GABRA2: variants seen among roughly 807,000 people sequenced by gnomAD.
GABRA2 encodes gamma-aminobutyric acid type A receptor subunit alpha2, also known as gamma-aminobutyric acid receptor subunit alpha-2.
GABRA2 carries 16 observed loss-of-function variants against 48.7 expected under a neutral mutation model. The observed-to-expected ratio is 0.33, with a 90% confidence interval of 0.22 to 0.50. The LOEUF (loss-of-function observed/expected upper bound fraction) is 0.50. Ranked by LOEUF, GABRA2 falls within the 20% of genes least tolerant of loss-of-function variation. The pLI is 0.98. For synonymous variants in GABRA2, 185 were observed against 184.5 expected, an observed-to-expected ratio of 1.00 and a Z score of -0.02; for missense variants, 275 against 535.6, an observed-to-expected ratio of 0.51 and a Z score of 4.80.
intron 8 of GABRA2, among the ~76,000 whole-genome samples, chr4:46,290,330 C>T (rs191177343): frequency 6.6e-6 from 1 of 151,874 alleles, no homozygotes; most frequent in East Asian, 1.9e-4. Flanking sequence ...ATTTTCTACA[C>T]GTATTAAACT....
chr4:46,309,665 G>T (rs916833344), intron 6 of GABRA2, among the ~76,000 whole-genome samples: 5 of 151,906 alleles, frequency 3.3e-5, no homozygotes, highest in Non-Finnish European at 5.9e-5. Flanking sequence ...CATAGAAGGT[G>T]CCAGAATGTA....
intron 3 of GABRA2, among the ~76,000 whole-genome samples, chr4:46,360,747 C>T (rs1375144705): frequency 6.6e-6 from 1 of 152,176 alleles, no homozygotes; most frequent in Admixed American, 6.5e-5. Context: ...ATGTTTGGAA[C>T]TACCTAGAGA....
intron 3 of GABRA2, chr4:46,364,048 T>C (rs1226591145): frequency 6.6e-6 from 1 of 152,206 alleles, no homozygotes; most frequent in Non-Finnish European, 1.5e-5. Flanking sequence ...CAATGCCATA[T>C]CGTATTCTGT....
chr4:46,388,934 T>TTTC, intron 1 of GABRA2: 1 of 1,314,826 alleles, frequency 7.6e-7, no homozygotes, highest in East Asian at 2.9e-5. Flanking sequence ...TTCTTTCTTT[T>TTTC]TTTCTTTCTT....
intron 8 of GABRA2, among the ~76,000 whole-genome samples, chr4:46,283,897 C>A (rs1321245622): frequency 6.6e-6 from 1 of 151,968 alleles, no homozygotes; most frequent in African/African-American, 2.4e-5. Flanking sequence ...GTAGCTGGGA[C>A]TACAGGCACC....
chr4:46,290,097 T>C (rs1451672343), intron 8 of GABRA2, among the ~76,000 whole-genome samples: 23 of 150,320 alleles, frequency 1.5e-4, no homozygotes, highest in Admixed American at 8.6e-4. Flanking sequence ...ATTTTTTTTT[T>C]AGTAGAGACG....
rs529968776 is a variant in GABRA2 at position 46,390,003 on chromosome 4, AGAG to A, written c.-282_-280del. 47 of 950,378 alleles carry A rather than the reference AGAG, an allele frequency of 4.9e-5. No individual in the cohort carries two copies. The highest frequency in any genetic ancestry group is 2.7e-4 in the East Asian group (2 of 7,456). The allele number at this position is 950,378 out of a possible 1,614,324, so 58.9% of individuals were successfully genotyped here. A position where few individuals can be genotyped will look rare whatever the true frequency, so the allele number is the denominator to read the frequency against. On this transcript the variant is annotated 5_prime_UTR_variant, in exon 1 of 10. Coordinates refer to ENST00000381620, the MANE Select transcript of GABRA2 (RefSeq NM_000807.4). ...GGCGGTGATGGGCGGAGGAGGAGGAAGAGGAGGAGGAGGAAGAGGAGGAGGGGG... is the reference window on the plus strand; with the variant it reads ...GGCGGTGATGGGCGGAGGAGGAGGAAGAGGAGGAGGAAGAGGAGGAGGGGG...
chr4:46,325,471 A>C (rs1039297061), intron 4 of GABRA2, among the ~76,000 whole-genome samples: 2 of 151,976 alleles, frequency 1.3e-5, no homozygotes, highest in Non-Finnish European at 2.9e-5. Context: ...GATTCTGGCT[A>C]TTAGACCTTT....
intron 3 of GABRA2, among the ~76,000 whole-genome samples, chr4:46,342,028 A>G (rs1733326218): frequency 6.6e-6 from 1 of 151,970 alleles, no homozygotes. Context: ...TGGTGATGGG[A>G]GTTTTGGGGA....
intron 8 of GABRA2, among the ~76,000 whole-genome samples, chr4:46,265,427 T>TATATATATA (rs1491150141): frequency 7.4e-5 from 8 of 107,732 alleles, no homozygotes; most frequent in African/African-American, 5.5e-4. Context: ...ATATATTGTG[T>TATATATATA]ATATATATAT....
rs569684431 is a variant in GABRA2, at chr4:46,265,562, T to G, written c.857-3434A>C. The stretch of plus-strand genomic sequence containing the variant: ...TCTTTCCTGATTTTAGTAATTTGAT[T>G]TTTTTCTCTTTTTTTCTTGGTCATT... On this transcript the variant is annotated intron_variant, in intron 8 of 9. Coordinates refer to ENST00000381620, the MANE Select transcript of GABRA2 (RefSeq NM_000807.4). 1.6e-3 allele frequency among the ~76,000 whole-genome samples: 246 copies of G among 149,434 alleles called. 1 individual carries two copies. Among genetic ancestry groups the G allele is most frequent in the Non-Finnish European group, 2.6e-3 (179 of 67,560 alleles).
intron 3 of GABRA2, among the ~76,000 whole-genome samples, chr4:46,370,893 CCA>C (rs375227159): frequency 1.3e-5 from 2 of 150,244 alleles, no homozygotes; most frequent in African/African-American, 2.4e-5. Context: ...TTGAAACAAG[CCA>C]CACACACACA....
Position 46,246,780 on chromosome 4 carries a change from G to A in GABRA2, c.*3528C>T, listed in dbSNP as rs1424623141. ...ATATGTCTGTGTTTCACAGACATGT[G>A]TCTGAGGGCATCAGGCATAGAATAC... On this transcript the variant is annotated 3_prime_UTR_variant, in exon 10 of 10. Coordinates refer to ENST00000381620, the MANE Select transcript of GABRA2 (RefSeq NM_000807.4). 2.0e-5 allele frequency among the ~76,000 whole-genome samples: 3 copies of A among 151,150 alleles called. No individual in the cohort carries two copies.
intron 8 of GABRA2, among the ~76,000 whole-genome samples, chr4:46,290,141 T>C (rs1284607696): frequency 6.6e-6 from 1 of 150,838 alleles, no homozygotes; most frequent in East Asian, 1.9e-4. Context: ...CCTGACCTCG[T>C]GATCCGCCCG....
At chr4:46,251,506 A>G (rs1294572617) in intron 9 of GABRA2, among the ~76,000 whole-genome samples, 1 of 151,272 alleles carries the variant, frequency 6.6e-6, no homozygotes, top group Non-Finnish European at 1.5e-5. Flanking sequence ...TAGCCATGAT[A>G]TTTCCCCAGC....
At chr4:46,328,567 A>G (rs1730791776) in intron 4 of GABRA2, among the ~76,000 whole-genome samples, 1 of 152,064 alleles carries the variant, frequency 6.6e-6, no homozygotes, top group South Asian at 2.1e-4. Context: ...AGATATCTCC[A>G]CATCCACTTT....
At chr4:46,306,069 T>G (rs1301186822) in intron 6 of GABRA2, among the ~76,000 whole-genome samples, 2 of 152,118 alleles carry the variant, frequency 1.3e-5, no homozygotes, top group Non-Finnish European at 2.9e-5. Context: ...TTTAGCTTAT[T>G]TATAAATAGC....
intron 3 of GABRA2, chr4:46,365,099 C>T (rs905600774): frequency 6.6e-6 from 1 of 152,030 alleles, no homozygotes; most frequent in Admixed American, 6.6e-5. Flanking sequence ...AAGGGAAATA[C>T]AACATATTTA....
At chr4:46,317,935 T>C (rs545759543) in intron 4 of GABRA2, among the ~76,000 whole-genome samples, 2 of 151,650 alleles carry the variant, frequency 1.3e-5, no homozygotes, top group Non-Finnish European at 3.0e-5. Context: ...TAACAAGTCA[T>C]TTTAAAAACT....
Sources: gnomAD v4.1 joint callset for allele counts (sites outside exome capture counted in the v4.1 genomes callset) on GRCh38, gnomAD v4.1.1 for gene constraint, MANE v1.5 for transcripts, NCBI Gene and HGNC (gene_info 2026-07-23, HGNC 2026-07-21) for gene names.